The following FAM53A variants were observed in gnomAD, a reference collection of about 807,000 sequenced individuals.
FAM53A encodes family with sequence similarity 53 member A, also known as protein FAM53A.
FAM53A carries 28 observed loss-of-function variants against 26.6 expected under a neutral mutation model. That is an observed-to-expected ratio of 1.05 (90% CI 0.78 to 1.45). The LOEUF (loss-of-function observed/expected upper bound fraction) is 1.45, where lower values mean the gene tolerates loss of function less well. FAM53A is among the 40% of genes most tolerant of loss of function. The pLI, the probability that FAM53A is intolerant of heterozygous loss-of-function variation, is 0.00. For missense variants in FAM53A, 650 were observed against 575.8 expected, an observed-to-expected ratio of 1.13 and a Z score of -1.32; for synonymous variants, 290 against 253.1, an observed-to-expected ratio of 1.15 and a Z score of -1.38.
chr4:1,672,761 T>C (rs1414957483), intron 1 of FAM53A, among the ~76,000 whole-genome samples: 1 of 668 alleles, frequency 1.5e-3, no homozygotes, highest in Admixed American at 0.018. Context: ...TGAATTTCCT[T>C]TTTTTTTTTT....
intron 4 of FAM53A, among the ~76,000 whole-genome samples, chr4:1,645,492 G>A (rs1172426247): frequency 6.6e-6 from 1 of 152,238 alleles, no homozygotes; most frequent in African/African-American, 2.4e-5. Flanking sequence ...CGGGCTGTGA[G>A]GGGCACACAG....
intron 1 of FAM53A, among the ~76,000 whole-genome samples, chr4:1,679,685 A>T (rs1479249475): frequency 1.9e-5 from 1 of 51,972 alleles, no homozygotes; most frequent in Non-Finnish European, 3.8e-5. Context: ...AAACTCCATT[A>T]AAAAAAAAAA....
intron 2 of FAM53A, among the ~76,000 whole-genome samples, chr4:1,664,589 G>T (rs1024447011): frequency 6.6e-6 from 1 of 152,188 alleles, no homozygotes; most frequent in Non-Finnish European, 1.5e-5. Flanking sequence ...TAGATATTCA[G>T]TTGACATGGG....
the FAM53A span, among the ~76,000 whole-genome samples, chr4:1,576,002 C>G: frequency 2.6e-5 from 4 of 152,228 alleles, no homozygotes; most frequent in African/African-American, 7.2e-5. Context: ...TGGGCTGCAG[C>G]CTCCCTCCTG....
At chr4:1,621,101 C>CTTTTTT (rs574102929) in intron 1 of FAM53A, among the ~76,000 whole-genome samples, 8 of 95,520 alleles carry the variant, frequency 8.4e-5, no homozygotes, top group South Asian at 6.9e-4. Flanking sequence ...AGCTACGCTA[C>CTTTTTT]TTTTTTTTTT....
intron 1 of FAM53A, among the ~76,000 whole-genome samples, chr4:1,621,657 C>T (rs10003193): frequency 0.013 from 1,928 of 152,314 alleles, 18 homozygotes; most frequent in Non-Finnish European, 0.017. Context: ...AGTGCCAGCC[C>T]CTCCCACTGG....
chr4:1,633,735 G>A (rs1476722767), intron 1 of FAM53A, among the ~76,000 whole-genome samples: 2 of 152,042 alleles, frequency 1.3e-5, no homozygotes, highest in African/African-American at 4.8e-5. Flanking sequence ...GACCGAGAGG[G>A]GATCAGAGCA....
chr4:1,606,410 A>G, the FAM53A span, among the ~76,000 whole-genome samples: 1 of 151,990 alleles, frequency 6.6e-6, no homozygotes, highest in East Asian at 1.9e-4. Flanking sequence ...CTCCACGGTA[A>G]GCTCTTCCCG....
At chr4:1,623,697 G>C (rs1715155447) in intron 1 of FAM53A, among the ~76,000 whole-genome samples, 1 of 152,260 alleles carries the variant, frequency 6.6e-6, no homozygotes, top group South Asian at 2.1e-4. Flanking sequence ...CGCGATGCCA[G>C]CCATAACTCA....
Position 1,659,222 on chromosome 4 carries a change from CT to C in FAM53A, c.76-1755del, listed in dbSNP as rs1713645344. 6.6e-6 allele frequency among the ~76,000 whole-genome samples: 1 copy of C among 152,200 alleles called. No individual in the cohort carries two copies. Among genetic ancestry groups the C allele is most frequent in the Non-Finnish European group, 1.5e-5 (1 of 68,026 alleles). The stretch of plus-strand genomic sequence containing the variant: ...CCGGGAACCACACGACCTCCAGGTT[CT>C]CCCACCCCGGGACCCGGGTCCGATG... On this transcript the variant is annotated intron_variant, in intron 2 of 4. Coordinates refer to ENST00000308132, the MANE Select transcript of FAM53A (RefSeq NM_001174070.3). This position sits in a 1 kb window ranked among gnomAD's most constrained non-coding sequence, Gnocchi z 5.2.
chr4:1,647,657 G>A (rs575349339), intron 4 of FAM53A, among the ~76,000 whole-genome samples: 11 of 152,382 alleles, frequency 7.2e-5, no homozygotes, highest in African/African-American at 2.6e-4. Context: ...TCCGCCAGGT[G>A]CAAGCACAGC....
At chr4:1,609,219 C>G in the FAM53A span, among the ~76,000 whole-genome samples, 1 of 152,006 alleles carries the variant, frequency 6.6e-6, no homozygotes, top group Non-Finnish European at 1.5e-5. Flanking sequence ...CCCCCACTCT[C>G]AGAAACAGAG....
Position 1,655,122 on chromosome 4 carries a change from C to T in FAM53A, c.738G>A (p.Thr246=), listed in dbSNP as rs753566894. 9 of 1,595,942 alleles carry T rather than the reference C, an allele frequency of 5.6e-6. No individual in the cohort carries two copies. The highest frequency in any genetic ancestry group is 1.7e-4 in the Middle Eastern group (1 of 6,014). The change falls in exon 4 of 5, where the codon ACG becomes ACA. Residue 246 remains threonine (T), a synonymous_variant. Transcript: ENST00000308132. ...GCCCACGGCGCCCGCCCAGCGCAGG[C>T]GTGGACGTGGGGCTGCTGCTGGCCC... ...LPWASSSPTS[T]PALGGRRGLL...
At chr4:1,685,105 G>A (rs1715731253), upstream of FAM53A, among the ~76,000 whole-genome samples, 1 of 152,272 alleles carries the variant, frequency 6.6e-6, no homozygotes, top group Admixed American at 6.5e-5. Context: ...GCTGAGATGA[G>A]CCGCCTGACC....
chr4:1,650,520 A>G (rs1223814094), intron 4 of FAM53A, among the ~76,000 whole-genome samples: 4 of 151,978 alleles, frequency 2.6e-5, no homozygotes, highest in Non-Finnish European at 5.9e-5. Flanking sequence ...GTTTTGAGAC[A>G]GAGTCTCACT....
intron 2 of FAM53A, among the ~76,000 whole-genome samples, chr4:1,667,089 T>C (rs1288681169): frequency 4.1e-5 from 6 of 147,504 alleles, no homozygotes; most frequent in Admixed American, 6.8e-5. Context: ...GATTGTGCCA[T>C]TGCACTCCAG....
At chr4:1,635,704 A>G (rs972901694), downstream of FAM53A, among the ~76,000 whole-genome samples, 3 of 151,930 alleles carry the variant, frequency 2.0e-5, no homozygotes, top group African/African-American at 7.3e-5. Flanking sequence ...GTCTTTTCTC[A>G]CTTCCGTTGA....
chr4:1,670,083 A>AGCC (rs1560197573), intron 1 of FAM53A, among the ~76,000 whole-genome samples: 2 of 152,156 alleles, frequency 1.3e-5, no homozygotes, highest in African/African-American at 4.8e-5. Context: ...GAGCCACGTG[A>AGCC]GCCGCCCCAT....
At chr4:1,677,480 C>T (rs910863253) in intron 1 of FAM53A, among the ~76,000 whole-genome samples, 4 of 152,214 alleles carry the variant, frequency 2.6e-5, no homozygotes, top group African/African-American at 7.2e-5. Flanking sequence ...CCTGTCTTCA[C>T]GCTTATCTCT....
Sources: gnomAD v4.1 joint callset for allele counts (sites outside exome capture counted in the v4.1 genomes callset) on GRCh38, gnomAD v4.1.1 for gene constraint, Gnocchi (gnomAD v3.1) non-coding constraint, MANE v1.5 for transcripts, NCBI Gene and HGNC (gene_info 2026-07-23, HGNC 2026-07-21) for gene names.